The following USP31 variants were observed in gnomAD, a reference collection of about 807,000 sequenced individuals.
The protein encoded by USP31 is ubiquitin carboxyl-terminal hydrolase 31.
Under a neutral mutation model 119.4 loss-of-function variants are expected in USP31, and 44 were observed. The ratio of observed to expected loss-of-function variants is 0.37; its 90% CI spans 0.29 to 0.47. USP31 has a LOEUF of 0.47. USP31 is among the 20% of genes least tolerant of loss of function. USP31 has a pLI of 0.99. For missense variants in USP31, 1,643 were observed against 1,730.2 expected (o/e 0.95, Z 0.89); for synonymous variants, 749 against 705.6 (o/e 1.06, Z -0.97).
At chr16:23,143,156 A>G (rs1204405498) in intron 1 of USP31, among the ~76,000 whole-genome samples, 1 of 152,240 alleles carries the variant, frequency 6.6e-6, no homozygotes, top group Non-Finnish European at 1.5e-5. Flanking sequence ...AATGGGAGAG[A>G]GAATTCTATT....
At chr16:23,110,564 G>C (rs1902275927) in intron 1 of USP31, among the ~76,000 whole-genome samples, 1 of 152,104 alleles carries the variant, frequency 6.6e-6, no homozygotes, top group South Asian at 2.1e-4. Context: ...GCCAGCTCAG[G>C]AAAGATTTTA....
intron 4 of USP31, among the ~76,000 whole-genome samples, chr16:23,105,923 G>C (rs1467178235): frequency 6.6e-6 from 1 of 152,154 alleles, no homozygotes; most frequent in Non-Finnish European, 1.5e-5. Flanking sequence ...GTAAAGTAAG[G>C]TCTCTAGAGA....
At chr16:23,102,242 T>C (rs943092449) in intron 6 of USP31, 77 bp downstream of exon 6, 3 of 1,474,450 alleles carry the variant, frequency 2.0e-6, no homozygotes, top group African/African-American at 1.4e-5. Context: ...TATCATTATA[T>C]AATAGACAAC....
At position 23,061,871 on chromosome 16, in the gene USP31, T is replaced by C. The variant is rs1190994987; in HGVS notation, c.*6175A>G. On this transcript the variant is annotated 3_prime_UTR_variant, in exon 16 of 16. Coordinates refer to ENST00000219689, the MANE Select transcript of USP31 (RefSeq NM_020718.4). Reference sequence around the variant, plus strand: ...TTATGTCAATGAGGCTTAAATTCAATTTTAACCAGTGGTGAGAGGCACAGT... The same window carrying C: ...TTATGTCAATGAGGCTTAAATTCAACTTTAACCAGTGGTGAGAGGCACAGT... The C allele has an allele frequency of 2.0e-5, 3 of 152,682 alleles. No individual in the cohort carries two copies. The highest frequency in any genetic ancestry group is 4.4e-5 in the Non-Finnish European group (3 of 68,044). The allele number at this position is 152,682 out of a possible 1,614,324, so 9.5% of individuals were successfully genotyped here.
In USP31 at chr16:23,118,625, T is replaced by C. The variant is rs531528599; in HGVS notation, c.634-10442A>G. Among the ~76,000 whole-genome samples the C allele has an allele frequency of 1.1e-3, 171 of 152,342 alleles. 1 individual carries two copies. Among genetic ancestry groups the C allele is most frequent in the Middle Eastern group, 3.4e-3 (1 of 294 alleles). ...TTACATTACGTTTTATTCATATCTC[T>C]AGGACATACCATCTCACATGTATCA... is the stretch of plus-strand genomic sequence containing the variant. On this transcript the variant is annotated intron_variant, in intron 1 of 15. Transcript: ENST00000219689.
At position 23,086,973 on chromosome 16, in the gene USP31, T is replaced by C; in HGVS notation, c.1622+119A>G. On this transcript the variant is annotated intron_variant, in intron 9 of 15. Coordinates refer to ENST00000219689, the MANE Select transcript of USP31 (RefSeq NM_020718.4). ...TCAAAAGTAAAATAAGTACTTAATT[T>C]CGAAATAAGCCTAAAGAACCCTGCA... 5.7e-6 allele frequency: 4 copies of C among 697,384 alleles called. No individual in the cohort carries two copies. The East Asian group carries it at 1.2e-4, about 20-fold the overall frequency. 43.2% of individuals were successfully genotyped at this position (697,384 alleles called of 1,614,324 possible).
At chr16:23,126,300 A>G (rs936570429) in intron 1 of USP31, among the ~76,000 whole-genome samples, 2 of 148,568 alleles carry the variant, frequency 1.3e-5, no homozygotes, top group Non-Finnish European at 3.0e-5. Flanking sequence ...TAACCTGGGT[A>G]CAGAGCGACC....
intron 1 of USP31, among the ~76,000 whole-genome samples, chr16:23,142,884 C>T (rs1390505100): frequency 6.6e-6 from 1 of 152,092 alleles, no homozygotes; most frequent in African/African-American, 2.4e-5. Context: ...AGTCAGTGTG[C>T]TTTGTGGAAA....
chr16:23,143,020 C>G (rs1903396685), intron 1 of USP31, among the ~76,000 whole-genome samples: 1 of 152,182 alleles, frequency 6.6e-6, no homozygotes. Flanking sequence ...GGAAACTCAG[C>G]AAGTGTGAGC....
At chr16:23,114,585 T>TGAA (rs1902433283) in intron 1 of USP31, among the ~76,000 whole-genome samples, 6 of 152,184 alleles carry the variant, frequency 3.9e-5, no homozygotes, top group Non-Finnish European at 8.8e-5. Context: ...GAGACTACGT[T>TGAA]CAATTATCAA....
chr16:23,112,438 G>T (rs1307827313), intron 1 of USP31, among the ~76,000 whole-genome samples: 1 of 152,042 alleles, frequency 6.6e-6, no homozygotes, highest in Non-Finnish European at 1.5e-5. Flanking sequence ...AGTCAGGCGT[G>T]GTGACACATG....
intron 1 of USP31, among the ~76,000 whole-genome samples, chr16:23,124,984 G>T (rs1488053849): frequency 1.3e-5 from 2 of 152,228 alleles, no homozygotes; most frequent in Non-Finnish European, 2.9e-5. Flanking sequence ...CAGTGAAAGT[G>T]TAGAGGTGGA....
At chr16:23,091,821 C>T (rs1901375395) in intron 6 of USP31, among the ~76,000 whole-genome samples, 1 of 152,114 alleles carries the variant, frequency 6.6e-6, no homozygotes, top group Non-Finnish European at 1.5e-5. Flanking sequence ...ACTTTTTAAG[C>T]TTAAACACCA....
intron 1 of USP31, among the ~76,000 whole-genome samples, chr16:23,110,790 T>A (rs951807949): frequency 1.3e-5 from 2 of 152,148 alleles, no homozygotes; most frequent in Admixed American, 6.5e-5. Flanking sequence ...GTAAATGAGA[T>A]ATAACCAGCA....
At chr16:23,128,920 A>G (rs1323774200) in intron 1 of USP31, among the ~76,000 whole-genome samples, 1 of 152,234 alleles carries the variant, frequency 6.6e-6, no homozygotes, top group Non-Finnish European at 1.5e-5. Flanking sequence ...ACAAAAAATC[A>G]AGACTATGAA....
At chr16:23,092,104 G>A (rs1252112403) in intron 6 of USP31, among the ~76,000 whole-genome samples, 1 of 152,140 alleles carries the variant, frequency 6.6e-6, no homozygotes, top group Non-Finnish European at 1.5e-5. Flanking sequence ...GCTGGGAGTG[G>A]TTACTTCATC....
intron 14 of USP31, chr16:23,072,633 CTGTTT>C (rs1833100605): frequency 9.3e-6 from 4 of 431,052 alleles, no homozygotes; most frequent in South Asian, 1.3e-4. Context: ...TTCTCTCAGC[CTGTTT>C]TAAGGAAATT....
At chr16:23,077,422 G>A (rs1177564626) in intron 13 of USP31, among the ~76,000 whole-genome samples, 4 of 152,182 alleles carry the variant, frequency 2.6e-5, no homozygotes, top group South Asian at 4.1e-4. Context: ...GGCCCTCCTG[G>A]AAGGGAACAG....
chr16:23,127,404 G>C (rs1902894006), intron 1 of USP31, among the ~76,000 whole-genome samples: 1 of 151,900 alleles, frequency 6.6e-6, no homozygotes, highest in South Asian at 2.1e-4. Context: ...GGGCGACAGA[G>C]CAATATTCTA....
Sources: allele counts gnomAD v4.1 joint callset (sites outside exome capture counted in the v4.1 genomes callset), GRCh38; gene constraint gnomAD v4.1.1; transcripts MANE v1.5; gene names NCBI Gene and HGNC (gene_info 2026-07-23, HGNC 2026-07-21).